C1orf21: variants seen among roughly 807,000 people sequenced by gnomAD.
The protein encoded by C1orf21 is uncharacterized protein C1orf21.
A neutral mutation model predicts 18.7 loss-of-function variants in C1orf21; 3 were observed. The observed-to-expected ratio is 0.16, with a 90% confidence interval of 0.07 to 0.42. The LOEUF (loss-of-function observed/expected upper bound fraction) is 0.42. Ranked by LOEUF, C1orf21 falls within the 10% of genes least tolerant of loss-of-function variation. The pLI is 0.99. For synonymous variants in C1orf21, 41 were observed against 46.4 expected, an observed-to-expected ratio of 0.88 and a Z score of 0.47; for missense variants, 104 against 143.6, an observed-to-expected ratio of 0.72 and a Z score of 1.41.
Position 184,410,246 on chromosome 1 carries a change from A to G in C1orf21, c.-125+22878A>G, listed in dbSNP as rs1571344736. On this transcript the variant is annotated intron_variant, in intron 1 of 5. Transcript: ENST00000235307. ...TCTGGGTAGGTGAAGATGTTTCAAG[A>G]AGTTTGAATTTATCTTGACAGGATT... is the stretch of plus-strand genomic sequence containing the variant. Among the ~76,000 whole-genome samples the G allele has an allele frequency of 3.9e-5, 6 of 152,212 alleles. 1 individual carries two copies. In the South Asian group the frequency reaches 1.2e-3, roughly 32 times the overall value.
At chr1:184,597,086 C>T (rs1659526014) in intron 4 of C1orf21, among the ~76,000 whole-genome samples, 1 of 152,118 alleles carries the variant, frequency 6.6e-6, no homozygotes, top group Admixed American at 6.5e-5. Context: ...AGAGAGGAGA[C>T]AGTTTAATGT....
intron 1 of C1orf21, among the ~76,000 whole-genome samples, chr1:184,463,153 C>A (rs988429254): frequency 6.6e-6 from 1 of 151,244 alleles, no homozygotes; most frequent in African/African-American, 2.4e-5. Context: ...GTTGGTCAAG[C>A]CTTTGTAGAG....
intron 1 of C1orf21, among the ~76,000 whole-genome samples, chr1:184,477,138 C>T (rs908057361): frequency 2.6e-5 from 4 of 152,120 alleles, no homozygotes; most frequent in African/African-American, 9.7e-5. Flanking sequence ...TTGGTATCTC[C>T]TCAAAAAGTT....
chr1:184,508,309 A>T lies in C1orf21; in HGVS notation c.189+627A>T, dbSNP rs368672790. Among the ~76,000 whole-genome samples the T allele has an allele frequency of 2.6e-5, 4 of 152,308 alleles. No individual in the cohort carries two copies. In the East Asian group the frequency reaches 5.8e-4, roughly 22 times the overall value. On this transcript the variant is annotated intron_variant, in intron 3 of 5. Transcript: ENST00000235307. ...CCCATATCTATAAAAACATTTAGCT[A>T]ATTATAATATAGATGATTTCTTAAA...
chr1:184,595,601 T>C (rs1216466355), intron 4 of C1orf21, among the ~76,000 whole-genome samples: 1 of 152,202 alleles, frequency 6.6e-6, no homozygotes, highest in Non-Finnish European at 1.5e-5. Context: ...ATTTCTCTTC[T>C]TCTCCCTGAA....
At position 184,622,724 on chromosome 1, in the gene C1orf21, G is replaced by A. The variant is rs970219814; in HGVS notation, c.*3168G>A. The A allele has an allele frequency of 2.0e-5, 3 of 152,688 alleles. No homozygotes were observed. Among genetic ancestry groups the A allele is most frequent in the Non-Finnish European group, 4.4e-5 (3 of 68,162 alleles). The allele number at this position is 152,688 out of a possible 1,614,324, so 9.5% of individuals were successfully genotyped here. On this transcript the variant is annotated 3_prime_UTR_variant, in exon 6 of 6. Coordinates refer to ENST00000235307, the MANE Select transcript of C1orf21 (RefSeq NM_030806.4). ...GAAGACAGGTCTCTCTCCGTCCACA[G>A]TGCCCATCATCTGAGCCTGGGCTGG...
chr1:184,396,774 A>G (rs1656056493), intron 1 of C1orf21, among the ~76,000 whole-genome samples: 1 of 152,148 alleles, frequency 6.6e-6, no homozygotes, highest in South Asian at 2.1e-4. Flanking sequence ...TGCACTTTCC[A>G]ATATTGTAAT....
intron 3 of C1orf21, among the ~76,000 whole-genome samples, chr1:184,541,506 T>C (rs1204703890): frequency 6.6e-6 from 1 of 152,222 alleles, no homozygotes; most frequent in African/African-American, 2.4e-5. Context: ...ATAAGTGGCC[T>C]GTCTGGATGT....
chr1:184,448,798 G>A (rs1311089972), intron 1 of C1orf21, among the ~76,000 whole-genome samples: 1 of 152,176 alleles, frequency 6.6e-6, no homozygotes, highest in African/African-American at 2.4e-5. Context: ...GGCAGTGAGA[G>A]AGTTTTCAAG....
chr1:184,615,128 A>G (rs1435726613), intron 5 of C1orf21, among the ~76,000 whole-genome samples: 1 of 152,226 alleles, frequency 6.6e-6, no homozygotes, highest in Non-Finnish European at 1.5e-5. Context: ...TCTAATTCTT[A>G]TAGACACACT....
chr1:184,600,063 A>C (rs1247902379), intron 5 of C1orf21, among the ~76,000 whole-genome samples: 1 of 152,222 alleles, frequency 6.6e-6, no homozygotes, highest in African/African-American at 2.4e-5. Context: ...AGATTTGCGT[A>C]GTAGTTAGGG....
At chr1:184,504,012 T>C (rs1375971745) in intron 2 of C1orf21, among the ~76,000 whole-genome samples, 1 of 152,204 alleles carries the variant, frequency 6.6e-6, no homozygotes, top group Non-Finnish European at 1.5e-5. Flanking sequence ...AAAATTTGAA[T>C]CTACTCTGAC....
Position 184,619,808 on chromosome 1 carries a change from C to T in C1orf21, c.*252C>T. 2.5e-6 allele frequency: 1 copy of T among 400,398 alleles called. No homozygotes were observed. The highest frequency in any genetic ancestry group is 4.7e-5 in the Admixed American group (1 of 21,484). The allele number at this position is 400,398 out of a possible 1,614,324, so 24.8% of individuals were successfully genotyped here. On this transcript the variant is annotated 3_prime_UTR_variant, in exon 6 of 6. Transcript: ENST00000235307. ...AGTTAAAACTTGTTGCAACTTTTCA[C>T]TTCTCTTGTGTCCAGGTATGCAGCA...
At chr1:184,500,612 C>T (rs1657961037) in intron 2 of C1orf21, among the ~76,000 whole-genome samples, 1 of 152,196 alleles carries the variant, frequency 6.6e-6, no homozygotes, top group African/African-American at 2.4e-5. Context: ...TACTCAATCT[C>T]CACAGCACAC....
At chr1:184,456,044 C>T (rs912865759) in intron 1 of C1orf21, among the ~76,000 whole-genome samples, 3 of 152,152 alleles carry the variant, frequency 2.0e-5, no homozygotes, top group African/African-American at 7.2e-5. Flanking sequence ...GTAAGACCCT[C>T]TCAGAACATT....
rs570340997 is a variant in C1orf21 at position 184,417,083 on chromosome 1, G to A, written c.-125+29715G>A. Among the ~76,000 whole-genome samples the A allele has an allele frequency of 1.5e-4, 23 of 152,108 alleles. 1 individual carries two copies. Among genetic ancestry groups the A allele is most frequent in the Non-Finnish European group, 2.5e-4 (17 of 68,012 alleles). ...AATGAATGAAAATCTCTTGTGGGGT[G>A]TGTGTGTGTAAATTCCAGGTGATTT... On this transcript the variant is annotated intron_variant, in intron 1 of 5. Coordinates refer to ENST00000235307, the MANE Select transcript of C1orf21 (RefSeq NM_030806.4).
intron 4 of C1orf21, among the ~76,000 whole-genome samples, chr1:184,597,169 G>A (rs987184459): frequency 2.2e-4 from 33 of 152,186 alleles, no homozygotes; most frequent in African/African-American, 4.6e-4. Flanking sequence ...CAAACAAAAC[G>A]TTTACCTTAT....
At chr1:184,545,937 T>G (rs963482415) in intron 3 of C1orf21, 1 of 152,190 alleles carries the variant, frequency 6.6e-6, no homozygotes, top group African/African-American at 2.4e-5. Context: ...GTGAAATGCT[T>G]CAGTGGAAAT....
chr1:184,407,307 A>G (rs1385622180), intron 1 of C1orf21, among the ~76,000 whole-genome samples: 2 of 152,190 alleles, frequency 1.3e-5, no homozygotes, highest in Non-Finnish European at 2.9e-5. Context: ...TGTGGAATTG[A>G]GTCTTTAATG....
Sources: allele counts gnomAD v4.1 joint callset (sites outside exome capture counted in the v4.1 genomes callset), GRCh38; gene constraint gnomAD v4.1.1; transcripts MANE v1.5; gene names NCBI Gene and HGNC (gene_info 2026-07-23, HGNC 2026-07-21).